Variants in KIAA0825 observed in about 807,000 individuals in gnomAD.
KIAA0825 encodes KIAA0825.
A neutral mutation model predicts 147.6 loss-of-function variants in KIAA0825; 119 were observed. The ratio of observed to expected loss-of-function variants is 0.81; its 90% CI spans 0.69 to 0.94. The LOEUF is 0.94. KIAA0825 is among the 40% of genes least tolerant of loss of function. The pLI is 0.00. For missense variants in KIAA0825, 1,381 were observed against 1,472.7 expected (o/e 0.94, Z 1.02); for synonymous variants, 470 against 518.1 (o/e 0.91, Z 1.26).
intron 2 of KIAA0825, among the ~76,000 whole-genome samples, chr5:94,558,309 T>C (rs1776948329): frequency 6.6e-6 from 1 of 152,194 alleles, no homozygotes; most frequent in Admixed American, 6.5e-5. Flanking sequence ...AGATGTATAC[T>C]AAATGAATTT....
chr5:94,411,946 C>CA (rs141919892), intron 15 of KIAA0825, among the ~76,000 whole-genome samples: 8,819 of 138,956 alleles, frequency 0.063, 809 homozygotes, highest in African/African-American at 0.22. Context: ...GACTTCGTCT[C>CA]AAAAAAAAAA....
chr5:94,388,073 A>C (rs1014846683), intron 18 of KIAA0825, among the ~76,000 whole-genome samples: 3 of 152,164 alleles, frequency 2.0e-5, no homozygotes, highest in Non-Finnish European at 4.4e-5. Flanking sequence ...TTCCATGGAC[A>C]TGGACCGTGG....
At chr5:94,592,724 C>T (rs1784563017) in intron 1 of KIAA0825, 1 of 295,704 alleles carries the variant, frequency 3.4e-6, no homozygotes. Flanking sequence ...CACCTGACAA[C>T]TAGTTACAGA....
In KIAA0825 at chr5:94,153,178, T is replaced by C. The variant is rs1326876760; in HGVS notation, c.*829A>G. 6.6e-6 allele frequency: 1 copy of C among 151,808 alleles called. No homozygotes were observed. The highest frequency in any genetic ancestry group is 1.9e-4 in the East Asian group (1 of 5,142). 9.4% of individuals were successfully genotyped at this position (151,808 alleles called of 1,614,324 possible). On this transcript the variant is annotated 3_prime_UTR_variant, in exon 21 of 21. Transcript: ENST00000682413. ...GAGGGTACTAGAGCATGTTCTGTTT[T>C]CTTATTTTGTGTGTGTGTATCAATA...
intron 13 of KIAA0825, among the ~76,000 whole-genome samples, chr5:94,440,819 A>G (rs1270039895): frequency 6.6e-6 from 1 of 152,118 alleles, no homozygotes; most frequent in Non-Finnish European, 1.5e-5. Context: ...GCAGGAGAGC[A>G]AAGGAACTGA....
intron 20 of KIAA0825, among the ~76,000 whole-genome samples, chr5:94,283,502 G>A (rs1777547368): frequency 6.6e-6 from 1 of 152,026 alleles, no homozygotes; most frequent in South Asian, 2.1e-4. Flanking sequence ...TCATGTTCAT[G>A]TTAAATCACT....
chr5:94,589,917 T>G (rs1784040266), intron 1 of KIAA0825, among the ~76,000 whole-genome samples: 2 of 152,172 alleles, frequency 1.3e-5, no homozygotes, highest in South Asian at 4.2e-4. Flanking sequence ...TTGTTATCTA[T>G]GATCAGCCAA....
intron 16 of KIAA0825, among the ~76,000 whole-genome samples, chr5:94,402,309 G>A (rs930994339): frequency 3.9e-5 from 6 of 152,050 alleles, no homozygotes; most frequent in African/African-American, 1.4e-4. Context: ...GCAAAATAGT[G>A]CTACTCATAT....
Position 94,270,632 on chromosome 5 carries a change from T to C in KIAA0825, c.3710+113736A>G, listed in dbSNP as rs116693570. On this transcript the variant is annotated intron_variant, in intron 20 of 20. Transcript: ENST00000682413. ...GGAAATTCAAAAGCAGACTCTGATATATTGAGATTTAGCATAAGAGAAAGG... is the reference window on the plus strand; with the variant it reads ...GGAAATTCAAAAGCAGACTCTGATACATTGAGATTTAGCATAAGAGAAAGG... 5.2e-3 allele frequency among the ~76,000 whole-genome samples: 790 copies of C among 152,212 alleles called. 9 individuals are homozygous for C. Among genetic ancestry groups the C allele is most frequent in the African/African-American group, 0.018 (741 of 41,536 alleles).
chr5:94,304,100 T>C (rs892303233), intron 20 of KIAA0825, among the ~76,000 whole-genome samples: 7 of 152,168 alleles, frequency 4.6e-5, no homozygotes, highest in Admixed American at 4.6e-4. Flanking sequence ...TAAGTTTGCA[T>C]AAAAATCTCT....
intron 20 of KIAA0825, among the ~76,000 whole-genome samples, chr5:94,200,944 A>AAAAT (rs1771605352): frequency 1.3e-5 from 1 of 75,366 alleles, no homozygotes; most frequent in Admixed American, 1.7e-4. Context: ...ATAGAATTTA[A>AAAAT]ACATATATAT....
intron 13 of KIAA0825, among the ~76,000 whole-genome samples, chr5:94,443,383 C>T (rs1032048704): frequency 3.4e-5 from 5 of 147,360 alleles, no homozygotes; most frequent in Admixed American, 6.8e-5. Flanking sequence ...CACACACACA[C>T]GTATGTATGT....
At chr5:94,237,543 T>C (rs545687927) in intron 20 of KIAA0825, among the ~76,000 whole-genome samples, 1 of 152,332 alleles carries the variant, frequency 6.6e-6, no homozygotes, top group South Asian at 2.1e-4. Flanking sequence ...ACCACTTTCC[T>C]CTAAACACCC....
At position 94,151,463 on chromosome 5, in the gene KIAA0825, TAA is replaced by T. The variant is rs1766493923; in HGVS notation, c.*2542_*2543del. On this transcript the variant is annotated 3_prime_UTR_variant, in exon 21 of 21. Coordinates refer to ENST00000682413, the MANE Select transcript of KIAA0825 (RefSeq NM_001145678.3). The stretch of plus-strand genomic sequence containing the variant: ...AAAAAAAAAAAAAACATATTGAGTA[TAA>T]AGTCAAAATAATCTGATAAATCAAT... Among the ~76,000 whole-genome samples, 2 of 139,414 alleles carry T rather than the reference TAA, an allele frequency of 1.4e-5. No homozygotes were observed. Among genetic ancestry groups the T allele is most frequent in the Non-Finnish European group, 3.1e-5 (2 of 64,512 alleles). The allele number at this position is 139,414 out of a possible 152,430, so 91.5% of individuals were successfully genotyped here. A position where few individuals can be genotyped will look rare whatever the true frequency, so the allele number is the denominator to read the frequency against.
intron 1 of KIAA0825, among the ~76,000 whole-genome samples, chr5:94,612,143 T>G (rs961089268): frequency 1.3e-5 from 2 of 152,150 alleles, no homozygotes; most frequent in Admixed American, 6.6e-5. Flanking sequence ...TTATAAAATA[T>G]AAGAAGATAG....
At chr5:94,500,847 A>C (rs1055707694) in intron 5 of KIAA0825, among the ~76,000 whole-genome samples, 1 of 152,098 alleles carries the variant, frequency 6.6e-6, no homozygotes, top group Non-Finnish European at 1.5e-5. Context: ...GCTCGATCTC[A>C]GCTCACTGCA....
chr5:94,364,685 A>C (rs1185449835), intron 20 of KIAA0825, among the ~76,000 whole-genome samples: 1 of 152,118 alleles, frequency 6.6e-6, no homozygotes, highest in Non-Finnish European at 1.5e-5. Flanking sequence ...TGGTTGTGTC[A>C]GTTTTCTAAT....
intron 18 of KIAA0825, among the ~76,000 whole-genome samples, chr5:94,391,169 A>G (rs1361763371): frequency 6.6e-6 from 1 of 152,238 alleles, no homozygotes; most frequent in African/African-American, 2.4e-5. Flanking sequence ...TGATATCTGC[A>G]GGAAAAGAGC....
At chr5:94,355,769 G>A (rs557506813) in intron 20 of KIAA0825, among the ~76,000 whole-genome samples, 2 of 152,276 alleles carry the variant, frequency 1.3e-5, no homozygotes, top group South Asian at 4.1e-4. Flanking sequence ...TTTTATTAGG[G>A]TGTTTTAATA....
Sources: gnomAD v4.1 joint callset for allele counts (sites outside exome capture counted in the v4.1 genomes callset) on GRCh38, gnomAD v4.1.1 for gene constraint, MANE v1.5 for transcripts, NCBI Gene and HGNC (gene_info 2026-07-23, HGNC 2026-07-21) for gene names.